The following GLT1D1 variants were observed in gnomAD, a reference collection of about 807,000 sequenced individuals.
The protein encoded by GLT1D1 is glycosyltransferase 1 domain containing 1.
In GLT1D1, 21 loss-of-function variants were observed where a neutral mutation model predicts 28.7. The ratio of observed to expected loss-of-function variants is 0.73; its 90% CI spans 0.52 to 1.05. The LOEUF (loss-of-function observed/expected upper bound fraction) is 1.05, where lower values mean the gene tolerates loss of function less well. Ranked by LOEUF, GLT1D1 falls within the 50% of genes least tolerant of loss-of-function variation. The pLI is 0.00. For missense variants in GLT1D1, 343 were observed against 330.6 expected, an observed-to-expected ratio of 1.04 and a Z score of -0.29; for synonymous variants, 147 against 124.8, an observed-to-expected ratio of 1.18 and a Z score of -1.19.
intron 4 of GLT1D1, among the ~76,000 whole-genome samples, chr12:128,943,774 C>A (rs1875653720): frequency 6.6e-6 from 1 of 152,214 alleles, no homozygotes; most frequent in Non-Finnish European, 1.5e-5. Context: ...TACAACAAAT[C>A]TGTAAACCCA....
chr12:128,965,088 C>T (rs978589644), intron 7 of GLT1D1, among the ~76,000 whole-genome samples: 8 of 152,140 alleles, frequency 5.3e-5, no homozygotes, highest in African/African-American at 7.2e-5. Flanking sequence ...TGGTAGGCTA[C>T]GTGGCAAGAG....
intron 1 of GLT1D1, among the ~76,000 whole-genome samples, chr12:128,874,160 T>TTCTTTCTTTCTTTCTTTCTTTC (rs1956814305): frequency 7.9e-6 from 1 of 126,828 alleles, no homozygotes; most frequent in African/African-American, 3.0e-5. Context: ...CTTTCTTTCT[T>TTCTTTCTTTCTTTCTTTCTTTC]TCTTTCTTTC....
At chr12:128,927,999 CAA>C (rs938188484) in intron 4 of GLT1D1, among the ~76,000 whole-genome samples, 10,138 of 42,134 alleles carry the variant, frequency 0.24, 445 homozygotes, top group Middle Eastern at 0.44. Context: ...GACTCTGTCT[CAA>C]AAAAAAAAAA....
intron 3 of GLT1D1, among the ~76,000 whole-genome samples, chr12:128,897,814 G>A (rs1054852882): frequency 4.6e-5 from 7 of 151,926 alleles, no homozygotes; most frequent in Non-Finnish European, 7.4e-5. Context: ...GACTACAGGC[G>A]CCCGCCACCA....
At chr12:128,968,120 C>T (rs1878648763) in intron 7 of GLT1D1, among the ~76,000 whole-genome samples, 3 of 152,150 alleles carry the variant, frequency 2.0e-5, no homozygotes, top group Admixed American at 6.5e-5. Flanking sequence ...CTCAGCCTCC[C>T]GAGTAGCTAG....
At chr12:128,973,467 A>G (rs937921515) in intron 7 of GLT1D1, among the ~76,000 whole-genome samples, 2 of 150,934 alleles carry the variant, frequency 1.3e-5, no homozygotes, top group Non-Finnish European at 1.5e-5. Flanking sequence ...TGTTGGGATG[A>G]CAAGCGTGAG....
rs546228610 is a variant in GLT1D1, at chr12:128,934,671, GTT to G, written c.376-10654_376-10653del. 2.3e-3 allele frequency among the ~76,000 whole-genome samples: 352 copies of G among 152,320 alleles called. 1 individual carries two copies. The highest frequency in any genetic ancestry group is 0.023 in the South Asian group (111 of 4,824). On this transcript the variant is annotated intron_variant, in intron 4 of 7. Coordinates refer to ENST00000281703, the MANE Select transcript of GLT1D1 (RefSeq NM_144669.3). ...ACCTCTGGCCCAACGCCAGCCAAAA[GTT>G]ATTGATTAGAAGAAGACAAGGTCTC...
At chr12:128,879,378 TTTTCTTTC>T (rs572806857) in intron 2 of GLT1D1, among the ~76,000 whole-genome samples, 3,472 of 69,462 alleles carry the variant, frequency 0.05, 252 homozygotes, top group Middle Eastern at 0.062. Flanking sequence ...ATTTTTTTCT[TTTTCTTTC>T]TTTCTTTCTT....
chr12:128,870,456 T>C (rs2450005), intron 1 of GLT1D1, among the ~76,000 whole-genome samples: 2 of 152,154 alleles, frequency 1.3e-5, no homozygotes, highest in Non-Finnish European at 2.9e-5. Context: ...GGAGATGCTT[T>C]TGTTTTCAAG....
chr12:128,977,433 C>T (rs527947821), intron 7 of GLT1D1, among the ~76,000 whole-genome samples: 11 of 152,250 alleles, frequency 7.2e-5, no homozygotes, highest in African/African-American at 2.6e-4. Context: ...TACATCTGGT[C>T]TGCACATGTG....
At chr12:128,868,133 G>A (rs951011249) in intron 1 of GLT1D1, among the ~76,000 whole-genome samples, 4 of 152,342 alleles carry the variant, frequency 2.6e-5, no homozygotes, top group African/African-American at 9.6e-5. Flanking sequence ...GCAGAGGACA[G>A]GGACAGGAGT....
At chr12:128,933,136 C>T (rs1237462595) in intron 4 of GLT1D1, among the ~76,000 whole-genome samples, 1 of 142,608 alleles carries the variant, frequency 7.0e-6, no homozygotes, top group African/African-American at 2.7e-5. Flanking sequence ...GGAGAGAGAG[C>T]TTTTTAGGAC....
chr12:128,922,044 C>A (rs1872709841), intron 4 of GLT1D1, among the ~76,000 whole-genome samples: 2 of 151,710 alleles, frequency 1.3e-5, no homozygotes, highest in Admixed American at 1.3e-4. Flanking sequence ...AATAGACATT[C>A]CATGCACATC....
chr12:128,909,617 T>G (rs184390723), intron 4 of GLT1D1, among the ~76,000 whole-genome samples: 18 of 152,368 alleles, frequency 1.2e-4, no homozygotes, highest in Admixed American at 9.2e-4. Context: ...TAATCTATTG[T>G]GGTTTCCATT....
At chr12:128,920,727 C>T (rs537354156) in intron 4 of GLT1D1, among the ~76,000 whole-genome samples, 3 of 152,166 alleles carry the variant, frequency 2.0e-5, no homozygotes, top group South Asian at 2.1e-4. Context: ...TATGCCAGAT[C>T]GTGAAAACAA....
intron 4 of GLT1D1, among the ~76,000 whole-genome samples, chr12:128,929,125 C>T (rs989572574): frequency 6.6e-6 from 1 of 152,206 alleles, no homozygotes; most frequent in Non-Finnish European, 1.5e-5. Flanking sequence ...GAGGACCTGG[C>T]GAGCATCTGG....
intron 4 of GLT1D1, among the ~76,000 whole-genome samples, chr12:128,932,071 G>A (rs145434736): frequency 1.4e-3 from 208 of 152,332 alleles, no homozygotes; most frequent in African/African-American, 4.8e-3. Flanking sequence ...GAGTTGACTA[G>A]GACTTGACAT....
In GLT1D1 at chr12:128,900,188, G is replaced by C. The variant is rs1870087823; in HGVS notation, c.375+901G>C. On this transcript the variant is annotated intron_variant, in intron 4 of 7. Coordinates refer to ENST00000281703, the MANE Select transcript of GLT1D1 (RefSeq NM_144669.3). Reference sequence around the variant, plus strand: ...AGGTCAGTTTCCCTTTGGTGAGTGAGGCTGCTGTCTCTGGCGGTGGGAACT... The same window carrying C: ...AGGTCAGTTTCCCTTTGGTGAGTGACGCTGCTGTCTCTGGCGGTGGGAACT... 3.3e-5 allele frequency among the ~76,000 whole-genome samples: 5 copies of C among 152,336 alleles called. No individual in the cohort carries two copies. The South Asian group carries it at 1.0e-3, about 32-fold the overall frequency.
intron 2 of GLT1D1, among the ~76,000 whole-genome samples, chr12:128,885,298 C>T (rs1016386921): frequency 1.3e-5 from 2 of 152,208 alleles, no homozygotes; most frequent in Non-Finnish European, 2.9e-5. Context: ...TCTTGGCTCA[C>T]TGCAACCTCT....
Sources: gnomAD v4.1 joint callset for allele counts (sites outside exome capture counted in the v4.1 genomes callset) on GRCh38, gnomAD v4.1.1 for gene constraint, MANE v1.5 for transcripts, NCBI Gene and HGNC (gene_info 2026-07-23, HGNC 2026-07-21) for gene names.